Variants in SLC39A6 observed in about 807,000 individuals in gnomAD.
The protein encoded by SLC39A6 is zinc transporter ZIP6.
Under a neutral mutation model 63.5 loss-of-function variants are expected in SLC39A6, and 51 were observed. The observed-to-expected ratio is 0.80, with a 90% CI of 0.64 to 1.01. The LOEUF is 1.01. Ranked by LOEUF, SLC39A6 falls within the 50% of genes least tolerant of loss-of-function variation. The pLI, the probability that SLC39A6 is intolerant of heterozygous loss-of-function variation, is 0.00. For missense variants in SLC39A6, 805 were observed against 927.8 expected (o/e 0.87, Z 1.72); for synonymous variants, 318 against 324.7 (o/e 0.98, Z 0.22).
chr18:36,125,522 A>G (rs2089429879), intron 2 of SLC39A6, among the ~76,000 whole-genome samples: 1 of 152,168 alleles, frequency 6.6e-6, no homozygotes, highest in South Asian at 2.1e-4. Context: ...GTCCAGAATT[A>G]GTACAGTCAC....
At chr18:36,112,835 T>C (rs2089311610) in intron 7 of SLC39A6, among the ~76,000 whole-genome samples, 1 of 152,170 alleles carries the variant, frequency 6.6e-6, no homozygotes, top group Non-Finnish European at 1.5e-5. Context: ...GATAAAGTTA[T>C]ACAAATCTGA....
chr18:36,110,935 G>C, intron 9 of SLC39A6, 124 bp downstream of exon 9: 2 of 1,448,884 alleles, frequency 1.4e-6, no homozygotes, highest in Middle Eastern at 2.6e-4. Flanking sequence ...AGACCAGCCT[G>C]GACGACATAG....
chr18:36,109,385 T>A lies in SLC39A6; in HGVS notation c.*208A>T, dbSNP rs2089283111. The stretch of plus-strand genomic sequence containing the variant: ...TAATAAACTGGTAATACCGGTGAAT[T>A]GCACATACAGATTTTATCTCCAAGA... On this transcript the variant is annotated 3_prime_UTR_variant, in exon 10 of 10. Coordinates refer to ENST00000269187, the MANE Select transcript of SLC39A6 (RefSeq NM_012319.4). 1 of 392,568 alleles carries A rather than the reference T, an allele frequency of 2.5e-6. No homozygotes were observed. Among genetic ancestry groups the A allele is most frequent in the African/African-American group, 2.1e-5 (1 of 48,214 alleles). 24.3% of individuals were successfully genotyped at this position (392,568 alleles called of 1,614,324 possible). A position where few individuals can be genotyped will look rare whatever the true frequency, so the allele number is the denominator to read the frequency against.
At chr18:36,127,744 C>G (rs1356994683) in intron 1 of SLC39A6, among the ~76,000 whole-genome samples, 3 of 150,486 alleles carry the variant, frequency 2.0e-5, no homozygotes, top group Non-Finnish European at 4.4e-5. Context: ...TCTATGCATA[C>G]TCAAATACAT....
chr18:36,110,910 G>T (rs563321380), intron 9 of SLC39A6, 149 bp downstream of exon 9: 22 of 1,276,274 alleles, frequency 1.7e-5, no homozygotes, highest in Admixed American at 5.5e-5. Flanking sequence ...AGGATCATTT[G>T]GGCTCAGGAA....
intron 9 of SLC39A6, 24 bp downstream of exon 9, chr18:36,111,035 T>C (rs772099335): frequency 6.2e-7 from 1 of 1,612,626 alleles, no homozygotes; most frequent in Non-Finnish European, 8.5e-7. Flanking sequence ...GTCAATAATG[T>C]AATAAGACTT....
At chr18:36,128,323 G>C (rs575437141) in intron 1 of SLC39A6, among the ~76,000 whole-genome samples, 2 of 152,322 alleles carry the variant, frequency 1.3e-5, no homozygotes, top group East Asian at 3.9e-4. Flanking sequence ...CTCTACCACG[G>C]TCAGCTGTTC....
chr18:36,126,186 G>A (rs1415985163), intron 2 of SLC39A6, 33 bp downstream of exon 2: 6 of 1,556,940 alleles, frequency 3.9e-6, no homozygotes, highest in Non-Finnish European at 3.5e-6. Flanking sequence ...AGACACACAG[G>A]TATATTAAAA....
chr18:36,113,997 T>TCC, intron 7 of SLC39A6, 100 bp downstream of exon 7: 2 of 1,400,360 alleles, frequency 1.4e-6, no homozygotes, highest in South Asian at 3.0e-5. Context: ...GTCACTAATA[T>TCC]CCTCATCTAA....
chr18:36,124,850 C>A, intron 2 of SLC39A6, 150 bp from the exon 3 acceptor site: 1 of 561,728 alleles, frequency 1.8e-6, no homozygotes, highest in African/African-American at 1.9e-5. Context: ...TGGAACTTGC[C>A]TCCAGCTACC....
Position 36,110,956 on chromosome 18 carries a change from C to A in SLC39A6, c.2115+103G>T. 3.3e-6 allele frequency: 5 copies of A among 1,500,672 alleles called. No homozygotes were observed. In the South Asian group the frequency reaches 6.9e-5, roughly 21 times the overall value. The allele number at this position is 1,500,672 out of a possible 1,614,324, so 93.0% of individuals were successfully genotyped here. ...GCCTGGACGACATAGCAAGATTCCA[C>A]TTCCTGCTCCCCCAAAAAGAGAGAA... On this transcript the variant is annotated intron_variant, in intron 9 of 9. Transcript: ENST00000269187.
chr18:36,118,369 A>G (rs969203427), intron 5 of SLC39A6, among the ~76,000 whole-genome samples: 15 of 152,316 alleles, frequency 9.8e-5, no homozygotes, highest in African/African-American at 3.6e-4. Context: ...TTTGACTATA[A>G]TTTTTGACAC....
intron 9 of SLC39A6, 94 bp downstream of exon 9, chr18:36,110,965 C>T: frequency 6.6e-7 from 1 of 1,519,138 alleles, no homozygotes; most frequent in Middle Eastern, 2.4e-4. Context: ...ACTTCCTGCT[C>T]CCCCAAAAAG....
chr18:36,121,363 G>A (rs1159909964), intron 5 of SLC39A6, among the ~76,000 whole-genome samples: 1 of 151,956 alleles, frequency 6.6e-6, no homozygotes, highest in Non-Finnish European at 1.5e-5. Context: ...CACCATGTTG[G>A]CCAGGCTGGT....
chr18:36,127,082 TA>T, intron 1 of SLC39A6, 66 bp from the exon 2 acceptor site: 1 of 1,347,592 alleles, frequency 7.4e-7, no homozygotes. Context: ...AGAAACCTCA[TA>T]CTGAAAATTA....
Position 36,112,514 on chromosome 18 carries a change from C to CAA in SLC39A6, c.1909_1910dup (p.Leu637PhefsTer6). 1 of 1,610,034 alleles carries CAA rather than the reference C, an allele frequency of 6.2e-7. No homozygotes were observed. Among genetic ancestry groups the CAA allele is most frequent in the South Asian group, 1.1e-5 (1 of 90,786 alleles). On this transcript the variant is annotated frameshift_variant, in exon 8 of 10. Transcript: ENST00000269187. LOFTEE classifies it high-confidence loss of function. ...TGGTTCTCTTACCTAATTCATGAGG[C>CAA]AACTCATGACAGAACACAGCAACAG... is the stretch of plus-strand genomic sequence containing the variant.
rs28364715 is a variant in SLC39A6, at chr18:36,129,282, G to A, written c.-178C>T. 53,361 of 158,008 alleles carry A rather than the reference G, an allele frequency of 0.34. 9,582 individuals carry two copies. Among genetic ancestry groups the A allele is most frequent in the East Asian group, 0.66 (3,466 of 5,268 alleles). The allele number at this position is 158,008 out of a possible 1,614,324, so 9.8% of individuals were successfully genotyped here. A position where few individuals can be genotyped will look rare whatever the true frequency, so the allele number is the denominator to read the frequency against. ...GGCTGCCCCTCGGTCCGGGGGCAGCGCCGCGCAGCCACCCGGCAGCCGCGC... is the reference window on the plus strand; with the variant it reads ...GGCTGCCCCTCGGTCCGGGGGCAGCACCGCGCAGCCACCCGGCAGCCGCGC... On this transcript the variant is annotated 5_prime_UTR_variant, in exon 1 of 10. Transcript: ENST00000269187.
At chr18:36,120,154 G>C (rs901646353) in intron 5 of SLC39A6, among the ~76,000 whole-genome samples, 3 of 151,954 alleles carry the variant, frequency 2.0e-5, no homozygotes, top group Non-Finnish European at 4.4e-5. Context: ...TGATACATGG[G>C]ATCTCCCAGA....
rs770578350 is a variant in SLC39A6 at position 36,126,265 on chromosome 18, C to T, written c.743G>A (p.Arg248Gln). The change falls in exon 2 of 10, where the codon CGA becomes CAA. Residue 248 changes from arginine to glutamine, a missense_variant. By Grantham distance (43) the Arg-to-Gln change is conservative (BLOSUM62 1). This residue lies in a region of SLC39A6 where 639 missense variants were observed against 644.0 expected (regional missense o/e 0.99). Coordinates refer to ENST00000269187, the MANE Select transcript of SLC39A6 (RefSeq NM_012319.4). ...RKTNESVSEP[R>Q]KGFMYSRNTN... is the part of the protein sequence containing the mutation. ...GTTTCTGGAATACATAAAGCCTTTT[C>T]GGGGCTCACTCACAGATTCATTTGT... The T allele has an allele frequency of 4.5e-5, 73 of 1,614,202 alleles. No individual in the cohort carries two copies. Among genetic ancestry groups the T allele is most frequent in the East Asian group, 2.0e-4 (9 of 44,882 alleles).
Sources: gnomAD v4.1 joint callset for allele counts (sites outside exome capture counted in the v4.1 genomes callset) on GRCh38, gnomAD v4.1.1 for gene constraint, gnomAD v4.1.1 regional missense constraint, MANE v1.5 for transcripts, NCBI Gene and HGNC (gene_info 2026-07-23, HGNC 2026-07-21) for gene names.